The following ASGR2 variants were observed in gnomAD, a reference collection of about 807,000 sequenced individuals.
The protein encoded by ASGR2 is asialoglycoprotein receptor 2.
Under a neutral mutation model 32.3 loss-of-function variants are expected in ASGR2, and 34 were observed. The ratio of observed to expected loss-of-function variants is 1.05; its 90% CI spans 0.80 to 1.40. The LOEUF (loss-of-function observed/expected upper bound fraction) is 1.40, where lower values mean the gene tolerates loss of function less well. ASGR2 is among the 40% of genes most tolerant of loss of function. ASGR2 has a pLI of 0.00. For synonymous variants in ASGR2, 143 were observed against 150.0 expected, an observed-to-expected ratio of 0.95 and a Z score of 0.34; for missense variants, 385 against 386.4, an observed-to-expected ratio of 1.00 and a Z score of 0.03.
In ASGR2 at chr17:7,109,005, G is replaced by T. The variant is rs190813014; in HGVS notation, c.125-117C>A. On this transcript the variant is annotated intron_variant, in intron 2 of 8. Coordinates refer to ENST00000691900, the MANE Select transcript of ASGR2 (RefSeq NM_001201352.2). ...GGCGGGGGGATTGGTTGGGGCCATG[G>T]GGGGGGGTCATCATAGGCTTTGACC... The T allele has an allele frequency of 6.5e-4, 609 of 936,456 alleles. 4 individuals are homozygous for T. The highest frequency in any genetic ancestry group is 8.2e-4 in the Non-Finnish European group (519 of 635,724). The allele number at this position is 936,456 out of a possible 1,614,324, so 58.0% of individuals were successfully genotyped here. A position where few individuals can be genotyped will look rare whatever the true frequency, so the allele number is the denominator to read the frequency against.
Position 7,108,568 on chromosome 17 carries a change from G to A in ASGR2, c.242-11C>T, listed in dbSNP as rs756616988. On this transcript the variant is annotated splice_polypyrimidine_tract_variant and intron_variant, in intron 3 of 8. Coordinates refer to ENST00000691900, the MANE Select transcript of ASGR2 (RefSeq NM_001201352.2). This position sits in a 1 kb window ranked among gnomAD's most constrained non-coding sequence, Gnocchi z 4.9. The stretch of plus-strand genomic sequence containing the variant: ...CTTGCAGCTGTGCACCTTGTCAGGT[G>A]GTAGTGGGGGCAGGATGAGGCAGAG... 3 of 1,606,416 alleles carry A rather than the reference G, an allele frequency of 1.9e-6. No homozygotes were observed. In the South Asian group the frequency reaches 3.3e-5, roughly 18 times the overall value.
rs776089944 is a variant in ASGR2 at position 7,107,321 on chromosome 17, G to C, written c.410-4C>G. The C allele has an allele frequency of 3.1e-5, 50 of 1,612,142 alleles. No individual in the cohort carries two copies. The highest frequency in any genetic ancestry group is 4.2e-5 in the Non-Finnish European group (49 of 1,179,976). On this transcript the variant is annotated splice_region_variant and splice_polypyrimidine_tract_variant and intron_variant, in intron 5 of 8. Coordinates refer to ENST00000691900, the MANE Select transcript of ASGR2 (RefSeq NM_001201352.2). The surrounding 1 kb of genome is among the most constrained non-coding windows in gnomAD (Gnocchi z 5.0). ...TGGAAGAGCAGGGCATCGTGATCTA[G>C]GACAGACAGGCTGAAAGTGCTGCCG... is the stretch of plus-strand genomic sequence containing the variant.
chr17:7,109,238 A>C (rs1914315121), intron 2 of ASGR2, among the ~76,000 whole-genome samples: 1 of 152,026 alleles, frequency 6.6e-6, no homozygotes, highest in Non-Finnish European at 1.5e-5. Flanking sequence ...CTGCCTAGGC[A>C]CACATCCTGA....
In ASGR2 at chr17:7,114,504, G is replaced by C; in HGVS notation, c.-71+111C>G. 7.7e-7 allele frequency: 1 copy of C among 1,295,714 alleles called. No individual in the cohort carries two copies. Among genetic ancestry groups the C allele is most frequent in the Non-Finnish European group, 9.8e-7 (1 of 1,015,586 alleles). 80.3% of individuals were successfully genotyped at this position (1,295,714 alleles called of 1,614,324 possible). The stretch of plus-strand genomic sequence containing the variant: ...ACCTGGCCAGGAGACCCCTCCCCAC[G>C]CTCATGGACCCGACCACCCACAGCT... On this transcript the variant is annotated intron_variant, in intron 1 of 8. Transcript: ENST00000691900. This position sits in a 1 kb window ranked among gnomAD's most constrained non-coding sequence, Gnocchi z 4.5.
At position 7,106,990 on chromosome 17, in the gene ASGR2, G is replaced by C; in HGVS notation, c.648+10C>G. 1 of 1,613,902 alleles carries C rather than the reference G, an allele frequency of 6.2e-7. No individual in the cohort carries two copies. The highest frequency in any genetic ancestry group is 1.1e-5 in the South Asian group (1 of 91,064). ...GGGCTTCCTCCTGCCTGTGGGAAGC[G>C]TGGCCTCACCTGCTCCTCCCAGGAG... On this transcript the variant is annotated intron_variant, in intron 7 of 8. Coordinates refer to ENST00000691900, the MANE Select transcript of ASGR2 (RefSeq NM_001201352.2).
intron 7 of ASGR2, among the ~76,000 whole-genome samples, chr17:7,103,896 A>G (rs527404770): frequency 2.4e-4 from 36 of 152,174 alleles, no homozygotes; most frequent in African/African-American, 7.7e-4. Context: ...TCGTCATTTA[A>G]CATTAGGTAT....
chr17:7,104,131 C>A, intron 7 of ASGR2, among the ~76,000 whole-genome samples: 1 of 151,612 alleles, frequency 6.6e-6, no homozygotes, highest in East Asian at 1.9e-4. Context: ...GGTGAATCAC[C>A]TGAGATCGGG....
chr17:7,112,073 AGGGGAGGGGAG>A (rs1914750831), intron 2 of ASGR2, among the ~76,000 whole-genome samples: 2 of 162 alleles, frequency 0.012, no homozygotes, highest in Non-Finnish European at 0.032. Flanking sequence ...GAAGGAAAGG[AGGGGAGGGGAG>A]GGGGAGGGGA....
rs1038365850 is a variant in ASGR2, at chr17:7,113,996, G to C, written c.124+121C>G. The C allele has an allele frequency of 2.7e-5, 39 of 1,425,934 alleles. No individual in the cohort carries two copies. Among genetic ancestry groups the C allele is most frequent in the Non-Finnish European group, 3.7e-5 (39 of 1,052,288 alleles). The allele number at this position is 1,425,934 out of a possible 1,614,324, so 88.3% of individuals were successfully genotyped here. ...AGGAAGGTGAGGTGAGGGAACAAGC[G>C]GGGGTGTCGGGCCCTCCTCAGTCCC... On this transcript the variant is annotated intron_variant, in intron 2 of 8. Transcript: ENST00000691900. The surrounding 1 kb of genome is among the most constrained non-coding windows in gnomAD (Gnocchi z 5.1).
Position 7,107,247 on chromosome 17 carries a change from C to G in ASGR2, c.480G>C (p.Glu160Asp). The G allele has an allele frequency of 6.2e-7, 1 of 1,614,146 alleles. No individual in the cohort carries two copies. Among genetic ancestry groups the G allele is most frequent in the Non-Finnish European group, 8.5e-7 (1 of 1,180,032 alleles). The change falls in exon 6 of 9, where the codon GAG (glutamate) becomes GAC (aspartate). Residue 160 changes from glutamate (E) to aspartate (D), a missense_variant. Physicochemically the swap from Glu to Asp is conservative, Grantham distance 45. Coordinates refer to ENST00000691900, the MANE Select transcript of ASGR2 (RefSeq NM_001201352.2). The surrounding 1 kb of genome is among the most constrained non-coding windows in gnomAD (Gnocchi z 5.0). ...CACCCCTACCGTTGCTGTGGAGGAG[C>G]TCCATCTGGCAGGCCACGAAGCGCA... ...VDLRFVACQM[E>D]LLHSNGSQRT...
rs765030212 is a variant in ASGR2, at chr17:7,108,472, G to A, written c.327C>T (p.Ile109=). 1 of 1,604,046 alleles carries A rather than the reference G, an allele frequency of 6.2e-7. No homozygotes were observed. The highest frequency in any genetic ancestry group is 1.1e-5 in the South Asian group (1 of 89,092). Residue 109 remains isoleucine (I), a synonymous_variant, in exon 4 of 9, where the codon ATC becomes ATT. Coordinates refer to ENST00000691900, the MANE Select transcript of ASGR2 (RefSeq NM_001201352.2). The surrounding 1 kb of genome is among the most constrained non-coding windows in gnomAD (Gnocchi z 4.9). ...CGTCCAGCCCCTCACCGTGGGTGCT[G>A]ATTGCCTGGACCTCCGTCAGGGTGC... is the stretch of plus-strand genomic sequence containing the variant. ...SSSTLTEVQA[I]STHGGSVGDK...
At chr17:7,102,274 C>T in intron 7 of ASGR2, 78 bp from the exon 8 acceptor site, 1 of 1,228,736 alleles carries the variant, frequency 8.1e-7, no homozygotes, top group Non-Finnish European at 1.2e-6. Context: ...GAACTGTGGC[C>T]CCTCTCAGCC....
Position 7,101,467 on chromosome 17 carries a change from T to C in ASGR2, c.*108A>G. The C allele has an allele frequency of 6.9e-7, 1 of 1,441,222 alleles. No homozygotes were observed. The highest frequency in any genetic ancestry group is 9.3e-7 in the Non-Finnish European group (1 of 1,076,864). 89.3% of individuals were successfully genotyped at this position (1,441,222 alleles called of 1,614,324 possible). ...TACCTCCTTTCTCTCTTTGCTCAGCTCTTCCCCATACCCCTGTCTCAGTGT... is the reference window on the plus strand; with the variant it reads ...TACCTCCTTTCTCTCTTTGCTCAGCCCTTCCCCATACCCCTGTCTCAGTGT... On this transcript the variant is annotated 3_prime_UTR_variant, in exon 9 of 9. Coordinates refer to ENST00000691900, the MANE Select transcript of ASGR2 (RefSeq NM_001201352.2).
At position 7,108,555 on chromosome 17, in the gene ASGR2, C is replaced by T; in HGVS notation, c.244G>A (p.Ala82Thr). The T allele has an allele frequency of 6.2e-7, 1 of 1,607,480 alleles. No individual in the cohort carries two copies. The highest frequency in any genetic ancestry group is 8.5e-7 in the Non-Finnish European group (1 of 1,177,444). ...CTCCGCAGCTCGGCTTGCAGCTGTG[C>T]ACCTTGTCAGGTGGTAGTGGGGGCA... Reference protein sequence around the residue: ...VVICVTGSQSAQLQAELRSLK... With the variant: ...VVICVTGSQSTQLQAELRSLK... The change falls in exon 4 of 9, where the codon GCA becomes ACA. Residue 82 changes from alanine to threonine, a missense_variant and splice_region_variant. Coordinates refer to ENST00000691900, the MANE Select transcript of ASGR2 (RefSeq NM_001201352.2). This position sits in a 1 kb window ranked among gnomAD's most constrained non-coding sequence, Gnocchi z 4.9.
intron 8 of ASGR2, 92 bp downstream of exon 8, chr17:7,101,998 C>G (rs1055499983): frequency 1.7e-5 from 23 of 1,334,306 alleles, no homozygotes; most frequent in Non-Finnish European, 2.1e-5. Context: ...GAATTTGGTC[C>G]CTGAGGGACG....
intron 8 of ASGR2, 104 bp from the exon 9 acceptor site, chr17:7,101,844 G>T: frequency 1.4e-6 from 2 of 1,437,250 alleles, no homozygotes; most frequent in Non-Finnish European, 9.4e-7. Context: ...CGAGAGTGGA[G>T]CTGGGGTGTG....
In ASGR2 at chr17:7,109,532, C is replaced by T. The variant is rs1403342587; in HGVS notation, c.125-644G>A. ...CTCATCCCCCACCACGCAAGGCCTC[C>T]TCCCCAGCGCCCTTTGCCCTCGCTT... On this transcript the variant is annotated intron_variant, in intron 2 of 8. Transcript: ENST00000691900. Among the ~76,000 whole-genome samples the T allele has an allele frequency of 2.0e-5, 3 of 152,204 alleles. No individual in the cohort carries two copies. The South Asian group carries it at 6.2e-4, about 32-fold the overall frequency.
In ASGR2 at chr17:7,102,100, G is replaced by A. The variant is rs1375344067; in HGVS notation, c.745C>T (p.His249Tyr). The A allele has an allele frequency of 6.2e-7, 1 of 1,613,568 alleles. No individual in the cohort carries two copies. The highest frequency in any genetic ancestry group is 1.7e-5 in the Admixed American group (1 of 60,002). Residue 249 changes from histidine (H) to tyrosine (Y), a missense_variant, in exon 8 of 9, where the codon CAC (histidine) becomes TAC (tyrosine). Transcript: ENST00000691900. The stretch of plus-strand genomic sequence containing the variant: ...GAAGAGGCCACTTACTTGTAGTTGT[G>A]CCTATAGTCTGTGCCATCCACCCAT... ...WKWVDGTDYR[H>Y]NYKNWAVTQP...
Position 7,107,270 on chromosome 17 carries a change from G to T in ASGR2, c.457C>A (p.Arg153Ser). 6.2e-7 allele frequency: 1 copy of T among 1,614,072 alleles called. No individual in the cohort carries two copies. Among genetic ancestry groups the T allele is most frequent in the South Asian group, 1.1e-5 (1 of 91,090 alleles). Residue 153 changes from arginine to serine, a missense_variant, in exon 6 of 9, where the codon CGC becomes AGC. Transcript: ENST00000691900. The surrounding 1 kb of genome is among the most constrained non-coding windows in gnomAD (Gnocchi z 5.0). The stretch of plus-strand genomic sequence containing the variant: ...AGCTCCATCTGGCAGGCCACGAAGC[G>T]CAGGTCCACGGGGAAGTGCTTCAGA... ...FHLKHFPVDL[R>S]FVACQMELLH...
Sources: allele counts gnomAD v4.1 joint callset (sites outside exome capture counted in the v4.1 genomes callset), GRCh38; gene constraint gnomAD v4.1.1; non-coding constraint Gnocchi (gnomAD v3.1); transcripts MANE v1.5; gene names NCBI Gene and HGNC (gene_info 2026-07-23, HGNC 2026-07-21).